The following PACS1 variants were observed in gnomAD, a reference collection of about 807,000 sequenced individuals.
The protein encoded by PACS1 is PACS-1.
A neutral mutation model predicts 115.0 loss-of-function variants in PACS1; 24 were observed. The observed-to-expected ratio is 0.21, with a 90% confidence interval of 0.15 to 0.29. The LOEUF is 0.29. Ranked by LOEUF, PACS1 falls within the 10% of genes least tolerant of loss-of-function variation. PACS1 has a pLI of 1.00. For missense variants in PACS1, 838 were observed against 1,251.2 expected, an observed-to-expected ratio of 0.67 and a Z score of 4.98; for synonymous variants, 453 against 504.5, an observed-to-expected ratio of 0.90 and a Z score of 1.37.
intron 1 of PACS1, among the ~76,000 whole-genome samples, chr11:66,133,544 T>G (rs1858752235): frequency 6.6e-6 from 1 of 152,236 alleles, no homozygotes; most frequent in African/African-American, 2.4e-5. Flanking sequence ...CCAGCAGGTC[T>G]GAGTCTGAAG....
chr11:66,146,881 C>A (rs1158403398), intron 1 of PACS1, among the ~76,000 whole-genome samples: 1 of 151,994 alleles, frequency 6.6e-6, no homozygotes, highest in African/African-American at 2.4e-5. Context: ...ATGGTGAAAC[C>A]CCCGTCTCTA....
At chr11:66,151,601 C>G (rs921145462) in intron 1 of PACS1, among the ~76,000 whole-genome samples, 1 of 152,184 alleles carries the variant, frequency 6.6e-6, no homozygotes, top group East Asian at 1.9e-4. Flanking sequence ...TAACTGCCTA[C>G]TAGAATATAA....
chr11:66,071,514 CTG>C (rs1857310421), intron 1 of PACS1, among the ~76,000 whole-genome samples: 1 of 152,236 alleles, frequency 6.6e-6, no homozygotes, highest in African/African-American at 2.4e-5. Context: ...CCATTGCTCT[CTG>C]TCTGTTGGAA....
intron 1 of PACS1, among the ~76,000 whole-genome samples, chr11:66,156,936 T>G (rs1399359637): frequency 3.9e-5 from 6 of 152,166 alleles, no homozygotes; most frequent in Non-Finnish European, 4.4e-5. Context: ...TACTTTAGGT[T>G]GTTTATTCTC....
chr11:66,170,774 GA>G lies in PACS1; in HGVS notation c.357-22693del, dbSNP rs35955463. 1.0e-2 allele frequency among the ~76,000 whole-genome samples: 1,132 copies of G among 113,642 alleles called. 22 individuals are homozygous for G. Among genetic ancestry groups the G allele is most frequent in the Middle Eastern group, 0.017 (4 of 240 alleles). The allele number at this position is 113,642 out of a possible 152,430, so 74.6% of individuals were successfully genotyped here. A position where few individuals can be genotyped will look rare whatever the true frequency, so the allele number is the denominator to read the frequency against. On this transcript the variant is annotated intron_variant, in intron 1 of 23. Coordinates refer to ENST00000320580, the MANE Select transcript of PACS1 (RefSeq NM_018026.4). ...GCAACATGATGAAACCTCATCTCTG[GA>G]AAAAAAAAAAAAAAAAAATTTGCAG...
At chr11:66,185,017 C>A (rs1860094320) in intron 1 of PACS1, among the ~76,000 whole-genome samples, 1 of 152,086 alleles carries the variant, frequency 6.6e-6, no homozygotes, top group African/African-American at 2.4e-5. Flanking sequence ...GGGGACAGGC[C>A]AGGAACTCTC....
At chr11:66,149,775 G>A (rs903249356) in intron 1 of PACS1, among the ~76,000 whole-genome samples, 2 of 151,854 alleles carry the variant, frequency 1.3e-5, no homozygotes, top group Non-Finnish European at 2.9e-5. Flanking sequence ...TTGAGACGGA[G>A]TTTCGCTCTT....
intron 11 of PACS1, among the ~76,000 whole-genome samples, chr11:66,229,199 A>T (rs941061811): frequency 2.8e-5 from 3 of 108,198 alleles, no homozygotes; most frequent in African/African-American, 9.2e-5. Flanking sequence ...AACATGGAAA[A>T]ACCCGTCTCT....
At chr11:66,203,925 G>T (rs1266019846) in intron 2 of PACS1, among the ~76,000 whole-genome samples, 1 of 152,120 alleles carries the variant, frequency 6.6e-6, no homozygotes, top group Non-Finnish European at 1.5e-5. Context: ...TTTTCCAACT[G>T]CTTTGGCCAC....
Position 66,235,306 on chromosome 11 carries a change from C to T in PACS1, c.2110C>T (p.Leu704=). The T allele has an allele frequency of 2.5e-6, 4 of 1,613,412 alleles. No homozygotes were observed. Among genetic ancestry groups the T allele is most frequent in the Non-Finnish European group, 3.4e-6 (4 of 1,179,424 alleles). The change falls in exon 18 of 24, where the codon CTG becomes TTG. Residue 704 remains leucine, a synonymous_variant. Coordinates refer to ENST00000320580, the MANE Select transcript of PACS1 (RefSeq NM_018026.4). This position sits in a 1 kb window ranked among gnomAD's most constrained non-coding sequence, Gnocchi z 5.6. ...ATCTCTTGGCTTTTCTGCAGAGCAACTGGACGTGGCAGGGCGGGTGATGCA... is the reference window on the plus strand; with the variant it reads ...ATCTCTTGGCTTTTCTGCAGAGCAATTGGACGTGGCAGGGCGGGTGATGCA... The part of the protein sequence containing the change: ...SRSEPPVSEQ[L]DVAGRVMQYV...
chr11:66,099,349 G>A (rs938989595), intron 1 of PACS1, among the ~76,000 whole-genome samples: 1 of 151,944 alleles, frequency 6.6e-6, no homozygotes, highest in Non-Finnish European at 1.5e-5. Flanking sequence ...TCAGCCTCCC[G>A]AGTAGCTGGG....
At chr11:66,230,349 A>G (rs1259968425) in intron 11 of PACS1, 199 bp from the exon 12 acceptor site, 2 of 584,302 alleles carry the variant, frequency 3.4e-6, no homozygotes, top group African/African-American at 1.9e-5. Context: ...TGGTGCCCAC[A>G]CGGGGTGTAC....
chr11:66,102,694 A>G (rs1439932924), intron 1 of PACS1, among the ~76,000 whole-genome samples: 1 of 152,172 alleles, frequency 6.6e-6, no homozygotes, highest in Admixed American at 6.5e-5. Flanking sequence ...TCATCTTTTT[A>G]GGAATAAAAA....
intron 1 of PACS1, among the ~76,000 whole-genome samples, chr11:66,073,821 A>T (rs1857352087): frequency 6.6e-6 from 1 of 151,430 alleles, no homozygotes; most frequent in Non-Finnish European, 1.5e-5. Flanking sequence ...TGGCACAGTC[A>T]TAGCTCACTG....
intron 2 of PACS1, among the ~76,000 whole-genome samples, chr11:66,203,440 C>T (rs1432505320): frequency 1.3e-5 from 2 of 152,072 alleles, no homozygotes; most frequent in Non-Finnish European, 2.9e-5. Flanking sequence ...AAGCAATCTA[C>T]AGATTCAATG....
At chr11:66,238,175 C>G in intron 19 of PACS1, 1 of 985,362 alleles carries the variant, frequency 1.0e-6, no homozygotes, top group Non-Finnish European at 1.2e-6. Flanking sequence ...CCCCCCCACC[C>G]CCATTCAGTA....
intron 1 of PACS1, among the ~76,000 whole-genome samples, chr11:66,108,561 C>T (rs1425820413): frequency 6.6e-6 from 1 of 151,978 alleles, no homozygotes; most frequent in Non-Finnish European, 1.5e-5. Flanking sequence ...CCTGTCTCTA[C>T]AAAAGCTGGC....
chr11:66,192,155 A>T (rs1854540286), intron 1 of PACS1, among the ~76,000 whole-genome samples: 1 of 152,200 alleles, frequency 6.6e-6, no homozygotes, highest in African/African-American at 2.4e-5. Flanking sequence ...TACTCTTGTT[A>T]ATCTGATTTT....
Position 66,235,352 on chromosome 11 carries a change from C to T in PACS1, c.2156C>T (p.Thr719Met), listed in dbSNP as rs375962872. The T allele has an allele frequency of 1.2e-5, 19 of 1,614,040 alleles. No homozygotes were observed. The highest frequency in any genetic ancestry group is 4.5e-5 in the East Asian group (2 of 44,876). The change falls in exon 18 of 24, where the codon ACG becomes ATG. Residue 719 changes from threonine to methionine, a missense_variant. Thr to Met is a moderately conservative substitution (Grantham distance 81). Around this residue, in one of 6 missense-constraint regions of PACS1, gnomAD observed 383 missense variants for 537.0 expected, o/e 0.71. Transcript: ENST00000320580. The surrounding 1 kb of genome is among the most constrained non-coding windows in gnomAD (Gnocchi z 5.6). ...ATGCAGTACGTCAACGGGGCAGCCA[C>T]GACACACCAGCTTCCCGTGGCCGAA... The part of the protein sequence containing the change: ...RVMQYVNGAA[T>M]THQLPVAEAM...
Sources: gnomAD v4.1 joint callset for allele counts (sites outside exome capture counted in the v4.1 genomes callset) on GRCh38, gnomAD v4.1.1 for gene constraint, gnomAD v4.1.1 regional missense constraint, Gnocchi (gnomAD v3.1) non-coding constraint, MANE v1.5 for transcripts, NCBI Gene and HGNC (gene_info 2026-07-23, HGNC 2026-07-21) for gene names.